DYSF: variants seen among roughly 807,000 people sequenced by gnomAD.
DYSF encodes the protein dysferlin.
DYSF carries 212 observed loss-of-function variants against 274.9 expected under a neutral mutation model. That is an observed-to-expected ratio of 0.77 (90% CI 0.69 to 0.86). DYSF has a LOEUF of 0.86. DYSF is among the 40% of genes least tolerant of loss of function. The pLI, the probability that DYSF is intolerant of heterozygous loss-of-function variation, is 0.00. For missense variants in DYSF, 2,666 were observed against 2,783.2 expected, an observed-to-expected ratio of 0.96 and a Z score of 0.95; for synonymous variants, 1,091 against 1,078.7, an observed-to-expected ratio of 1.01 and a Z score of -0.22.
intron 55 of DYSF, among the ~76,000 whole-genome samples, chr2:71,683,264 G>A (rs1176432766): frequency 6.6e-6 from 1 of 152,144 alleles, no homozygotes; most frequent in Non-Finnish European, 1.5e-5. Context: ...TGCCCATTTG[G>A]GTTTCCTTTC....
intron 42 of DYSF, among the ~76,000 whole-genome samples, chr2:71,644,764 A>G (rs1572926981): frequency 6.6e-6 from 1 of 152,248 alleles, no homozygotes; most frequent in South Asian, 2.1e-4. Context: ...TCCTTAAAGG[A>G]GTTGCATGGT....
At chr2:71,527,122 C>A (rs952032572) in intron 13 of DYSF, among the ~76,000 whole-genome samples, 3 of 152,198 alleles carry the variant, frequency 2.0e-5, no homozygotes, top group African/African-American at 7.2e-5. Context: ...AATGCCGGGG[C>A]CCCACCTCCA....
At chr2:71,682,761 T>C in intron 55 of DYSF, 84 bp downstream of exon 55, 2 of 1,533,628 alleles carry the variant, frequency 1.3e-6, no homozygotes, top group South Asian at 2.4e-5. Context: ...GCTCTCCCAG[T>C]CTAATGGAGA....
intron 17 of DYSF, among the ~76,000 whole-genome samples, chr2:71,545,248 G>A (rs2090374252): frequency 6.6e-6 from 1 of 152,172 alleles, no homozygotes; most frequent in Non-Finnish European, 1.5e-5. Context: ...AACATTTAAA[G>A]GGCAACTTTT....
At chr2:71,526,638 A>G (rs1429214778) in intron 13 of DYSF, among the ~76,000 whole-genome samples, 1 of 152,218 alleles carries the variant, frequency 6.6e-6, no homozygotes, top group Non-Finnish European at 1.5e-5. Flanking sequence ...AGTCAGCACC[A>G]TCTGGACTCT....
chr2:71,466,942 C>G lies in DYSF; in HGVS notation c.91+9C>G. 1 of 1,548,684 alleles carries G rather than the reference C, an allele frequency of 6.5e-7. No individual in the cohort carries two copies. Among genetic ancestry groups the G allele is most frequent in the African/African-American group, 1.4e-5 (1 of 73,152 alleles). Reference sequence around the variant, plus strand: ...AAGCCTGACTTTCCGAGGTGAGAGCCCCGTGGCTGCCGCGCCCATGCTCGG... The same window carrying G: ...AAGCCTGACTTTCCGAGGTGAGAGCGCCGTGGCTGCCGCGCCCATGCTCGG... On this transcript the variant is annotated intron_variant, in intron 1 of 55. Transcript: ENST00000410020.
intron 41 of DYSF, among the ~76,000 whole-genome samples, chr2:71,640,407 G>A (rs1194226225): frequency 6.6e-6 from 1 of 152,144 alleles, no homozygotes; most frequent in African/African-American, 2.4e-5. Flanking sequence ...CTAGGGGCTG[G>A]CAAATTTTTT....
intron 30 of DYSF, 104 bp downstream of exon 30, chr2:71,574,475 T>C: frequency 1.4e-6 from 2 of 1,416,750 alleles, no homozygotes; most frequent in Non-Finnish European, 9.6e-7. Flanking sequence ...GGTTAGGACT[T>C]TTGGATGGAA....
At chr2:71,609,975 T>C (rs895877365) in intron 36 of DYSF, among the ~76,000 whole-genome samples, 8 of 152,218 alleles carry the variant, frequency 5.3e-5, no homozygotes, top group African/African-American at 1.9e-4. Flanking sequence ...AAAGTGTCTA[T>C]CACAGTCCTT....
At chr2:71,552,882 CCCGT>C in intron 19 of DYSF, 125 bp from the exon 20 acceptor site, 2 of 899,526 alleles carry the variant, frequency 2.2e-6, no homozygotes, top group South Asian at 2.8e-5. Flanking sequence ...CTACTTGCCA[CCCGT>C]CAGTCCAGCC....
chr2:71,598,827 C>T, intron 33 of DYSF, 82 bp downstream of exon 33: 1 of 1,534,498 alleles, frequency 6.5e-7, no homozygotes, highest in Non-Finnish European at 8.9e-7. Context: ...CTCGTGGCTG[C>T]CCAGCCAGAT....
At chr2:71,473,208 C>G (rs913456538) in intron 1 of DYSF, among the ~76,000 whole-genome samples, 1 of 152,194 alleles carries the variant, frequency 6.6e-6, no homozygotes, top group Non-Finnish European at 1.5e-5. Flanking sequence ...GACCATCTAC[C>G]TCTGCTTTTT....
chr2:71,482,044 TC>T, intron 3 of DYSF, 74 bp downstream of exon 3: 2 of 1,262,930 alleles, frequency 1.6e-6, no homozygotes, highest in African/African-American at 1.5e-5. Context: ...GACTGCAGAA[TC>T]CCAGGCCCCA....
chr2:71,515,765 G>T lies in DYSF; in HGVS notation c.888+14G>T. ...CTCTTCAATGAGGTGGGAGACATGG[G>T]GCATGAGGGCCAGAACCTTGGTGGG... On this transcript the variant is annotated intron_variant, in intron 8 of 55. Transcript: ENST00000410020. 1 of 1,614,020 alleles carries T rather than the reference G, an allele frequency of 6.2e-7. No homozygotes were observed. Among genetic ancestry groups the T allele is most frequent in the Non-Finnish European group, 8.5e-7 (1 of 1,179,992 alleles).
chr2:71,584,000 C>T (rs1388413229), intron 30 of DYSF, among the ~76,000 whole-genome samples: 1 of 152,176 alleles, frequency 6.6e-6, no homozygotes, highest in African/African-American at 2.4e-5. Flanking sequence ...ACCCAGTTCC[C>T]TGGACAAGCA....
rs751779760 is a variant in DYSF at position 71,549,399 on chromosome 2, G to A, written c.1577-1642G>A. 8.1e-6 allele frequency: 13 copies of A among 1,611,368 alleles called. No homozygotes were observed. Among genetic ancestry groups the A allele is most frequent in the Non-Finnish European group, 1.0e-5 (12 of 1,178,502 alleles). On this transcript the variant is annotated intron_variant, in intron 17 of 55. Transcript: ENST00000410020. ...CTTCGAAAGCCTCAGACTGTACGTTGCTGTCACCTTGGGGACAACCAGGGG... is the reference window on the plus strand; with the variant it reads ...CTTCGAAAGCCTCAGACTGTACGTTACTGTCACCTTGGGGACAACCAGGGG...
intron 29 of DYSF, among the ~76,000 whole-genome samples, chr2:71,573,972 G>A (rs534609741): frequency 3.9e-5 from 6 of 152,170 alleles, no homozygotes; most frequent in African/African-American, 1.4e-4. Context: ...ACAGACATGA[G>A]CCACCATGCC....
intron 30 of DYSF, among the ~76,000 whole-genome samples, chr2:71,587,041 C>CCCTATTT (rs2093092177): frequency 6.6e-6 from 1 of 152,224 alleles, no homozygotes; most frequent in Non-Finnish European, 1.5e-5. Flanking sequence ...GCTGGCCAAG[C>CCCTATTT]CCTATTTCCA....
chr2:71,682,808 T>G (rs1364424499), intron 55 of DYSF, 131 bp downstream of exon 55: 61 of 1,342,730 alleles, frequency 4.5e-5, no homozygotes, highest in Non-Finnish European at 5.3e-5. Flanking sequence ...CCTGGTCTGA[T>G]GAGGATACAG....
Sources: allele counts gnomAD v4.1 joint callset (sites outside exome capture counted in the v4.1 genomes callset), GRCh38; gene constraint gnomAD v4.1.1; transcripts MANE v1.5; gene names NCBI Gene and HGNC (gene_info 2026-07-23, HGNC 2026-07-21).